The following TNKS variants were observed in gnomAD, a reference collection of about 807,000 sequenced individuals.
TNKS encodes poly [ADP-ribose] polymerase tankyrase-1.
A neutral mutation model predicts 135.8 loss-of-function variants in TNKS; 72 were observed. The observed-to-expected ratio is 0.53, with a 90% confidence interval of 0.44 to 0.64. The LOEUF (loss-of-function observed/expected upper bound fraction) is 0.64, where lower values mean the gene tolerates loss of function less well. Among genes scored for constraint, TNKS ranks in the 30% least tolerant of loss-of-function variants. The pLI is 0.00. For missense variants in TNKS, 1,769 were observed against 1,674.0 expected, an observed-to-expected ratio of 1.06 and a Z score of -0.99; for synonymous variants, 849 against 649.3, an observed-to-expected ratio of 1.31 and a Z score of -4.68.
At chr8:9,584,062 G>A (rs1216716671) in intron 2 of TNKS, among the ~76,000 whole-genome samples, 2 of 151,476 alleles carry the variant, frequency 1.3e-5, no homozygotes, top group East Asian at 4.0e-4. Context: ...TACTGGGGAG[G>A]CTGAGGCAGG....
chr8:9,764,881 T>C (rs58194572), intron 23 of TNKS, 91 bp downstream of exon 23: 2 of 1,003,014 alleles, frequency 2.0e-6, no homozygotes, highest in African/African-American at 3.4e-5. Flanking sequence ...TTAAGTCATA[T>C]TTTCAAACTG....
At chr8:9,776,441 A>G (rs1236367149) in intron 26 of TNKS, among the ~76,000 whole-genome samples, 4 of 152,232 alleles carry the variant, frequency 2.6e-5, no homozygotes, top group Non-Finnish European at 4.4e-5. Flanking sequence ...CGAAGTAGAA[A>G]TAACATTCAG....
chr8:9,585,855 A>G (rs1036836178), intron 2 of TNKS, among the ~76,000 whole-genome samples: 1 of 152,152 alleles, frequency 6.6e-6, no homozygotes, highest in Non-Finnish European at 1.5e-5. Context: ...AAATCTAACA[A>G]TTAGGACTTA....
chr8:9,749,515 C>T (rs977211643), intron 18 of TNKS, among the ~76,000 whole-genome samples: 1 of 151,028 alleles, frequency 6.6e-6, no homozygotes, highest in Middle Eastern at 3.4e-3. Context: ...GGCTATGTCA[C>T]CCAAGCCAGA....
rs1245370227 is a variant in TNKS at position 9,706,851 on chromosome 8, C to A, written c.1310C>A (p.Thr437Asn). Reference sequence around the variant, plus strand: ...AATGCCATGGATCTCTGGCAGTTTACTCCACTGCACGAGGCTGCTTCCAAG... The same window carrying A: ...AATGCCATGGATCTCTGGCAGTTTAATCCACTGCACGAGGCTGCTTCCAAG... ...CVNAMDLWQF[T>N]PLHEAASKNR... The change falls in exon 8 of 27, where the codon ACT (threonine) becomes AAT (asparagine). Residue 437 changes from threonine to asparagine, a missense_variant. Around this residue, in one of 5 missense-constraint regions of TNKS, gnomAD observed 523 missense variants for 541.0 expected, o/e 0.97. Transcript: ENST00000310430. 1 of 1,613,572 alleles carries A rather than the reference C, an allele frequency of 6.2e-7. No individual in the cohort carries two copies. The highest frequency in any genetic ancestry group is 1.1e-5 in the South Asian group (1 of 90,962).
intron 3 of TNKS, among the ~76,000 whole-genome samples, chr8:9,625,581 A>G (rs964535654): frequency 1.3e-5 from 2 of 151,572 alleles, no homozygotes; most frequent in Admixed American, 6.6e-5. Context: ...GATTTGTTCC[A>G]TTTTCATGTT....
At position 9,580,374 on chromosome 8, in the gene TNKS, G is replaced by A; in HGVS notation, c.889G>A (p.Val297Met). 2 of 1,613,688 alleles carry A rather than the reference G, an allele frequency of 1.2e-6. No homozygotes were observed. The highest frequency in any genetic ancestry group is 2.2e-5 in the East Asian group (1 of 44,886). The change falls in exon 2 of 27, where the codon GTG becomes ATG. Residue 297 changes from valine (V) to methionine (M), a missense_variant. Val to Met is a conservative substitution (Grantham distance 21). Transcript: ENST00000310430. ...HEAAIKGKID[V>M]CIVLLQHGAD... ...AGCTGCTATTAAAGGGAAGATCGATGTGTGCATTGGTAAGTATCATTTGAT... is the reference window on the plus strand; with the variant it reads ...AGCTGCTATTAAAGGGAAGATCGATATGTGCATTGGTAAGTATCATTTGAT...
Position 9,770,086 on chromosome 8 carries a change from G to T in TNKS, c.3741-20G>T. ...GATTTAAAGCTTCCTTCAAAGCATTGTTTTTTTCTTTTTCCTTAGACAAAT... is the reference window on the plus strand; with the variant it reads ...GATTTAAAGCTTCCTTCAAAGCATTTTTTTTTTCTTTTTCCTTAGACAAAT... On this transcript the variant is annotated intron_variant, in intron 25 of 26. Coordinates refer to ENST00000310430, the MANE Select transcript of TNKS (RefSeq NM_003747.3). 1 of 1,580,430 alleles carries T rather than the reference G, an allele frequency of 6.3e-7. No homozygotes were observed. Among genetic ancestry groups the T allele is most frequent in the Non-Finnish European group, 8.6e-7 (1 of 1,160,526 alleles).
chr8:9,611,811 T>A (rs537933906), intron 2 of TNKS, among the ~76,000 whole-genome samples: 1 of 152,316 alleles, frequency 6.6e-6, no homozygotes, highest in South Asian at 2.1e-4. Context: ...ATATTGTAGT[T>A]TGGGACATTT....
chr8:9,772,056 AGGGATGGAGG>A (rs1437545725), intron 26 of TNKS, among the ~76,000 whole-genome samples: 2 of 106,722 alleles, frequency 1.9e-5, no homozygotes, highest in African/African-American at 7.5e-5. Flanking sequence ...AGAGGTAGGG[AGGGATGGAGG>A]GGGAGAGAGG....
intron 17 of TNKS, among the ~76,000 whole-genome samples, chr8:9,740,282 C>A (rs1805870363): frequency 6.6e-6 from 1 of 152,080 alleles, no homozygotes; most frequent in Non-Finnish European, 1.5e-5. Context: ...CTGTAAAAAC[C>A]CACAGATGCC....
chr8:9,647,992 T>A (rs990144051), intron 3 of TNKS, among the ~76,000 whole-genome samples: 1 of 152,146 alleles, frequency 6.6e-6, no homozygotes, highest in East Asian at 1.9e-4. Flanking sequence ...AAGCATTTGT[T>A]TATCTAAACA....
At chr8:9,749,741 C>T (rs1157373172) in intron 18 of TNKS, among the ~76,000 whole-genome samples, 1 of 152,108 alleles carries the variant, frequency 6.6e-6, no homozygotes, top group Non-Finnish European at 1.5e-5. Context: ...CCTCAGCCTC[C>T]CAAAGTGCTG....
chr8:9,712,926 A>T (rs1388699109), intron 11 of TNKS, among the ~76,000 whole-genome samples: 1 of 152,192 alleles, frequency 6.6e-6, no homozygotes, highest in Non-Finnish European at 1.5e-5. Context: ...TAAATTTTTA[A>T]TTATTTCATC....
In TNKS at chr8:9,680,585, A is replaced by G. The variant is rs1369852649; in HGVS notation, c.1032-140A>G. On this transcript the variant is annotated intron_variant, in intron 4 of 26. Coordinates refer to ENST00000310430, the MANE Select transcript of TNKS (RefSeq NM_003747.3). ...TAGAAATATATTAATTGAATTGAAT[A>G]TTGCAAAAGAGATTTATTGTGATCC... 5.2e-6 allele frequency: 3 copies of G among 579,104 alleles called. No individual in the cohort carries two copies. In the African/African-American group the frequency reaches 5.6e-5, roughly 11 times the overall value. The allele number at this position is 579,104 out of a possible 1,614,324, so 35.9% of individuals were successfully genotyped here. A position where few individuals can be genotyped will look rare whatever the true frequency, so the allele number is the denominator to read the frequency against.
At chr8:9,587,342 G>C (rs906566479) in intron 2 of TNKS, among the ~76,000 whole-genome samples, 1 of 151,890 alleles carries the variant, frequency 6.6e-6, no homozygotes, top group African/African-American at 2.4e-5. Context: ...AAAAGGCAAG[G>C]AAGTAGGTTT....
chr8:9,630,062 A>G (rs1315210698), intron 3 of TNKS, among the ~76,000 whole-genome samples: 1 of 152,192 alleles, frequency 6.6e-6, no homozygotes, highest in African/African-American at 2.4e-5. Flanking sequence ...CAAATGGGCT[A>G]GTATCTAGTC....
At chr8:9,717,884 T>C (rs1180861196) in intron 11 of TNKS, among the ~76,000 whole-genome samples, 12 of 152,100 alleles carry the variant, frequency 7.9e-5, no homozygotes, top group Admixed American at 7.9e-4. Flanking sequence ...AGAAATCTCA[T>C]GAAGAAAATA....
chr8:9,715,297 A>G (rs1490838995), intron 11 of TNKS, among the ~76,000 whole-genome samples: 1 of 152,010 alleles, frequency 6.6e-6, no homozygotes, highest in African/African-American at 2.4e-5. Context: ...TTAATAAAGG[A>G]ACTGTATAGA....
Sources: allele counts gnomAD v4.1 joint callset (sites outside exome capture counted in the v4.1 genomes callset), GRCh38; gene constraint gnomAD v4.1.1; regional missense constraint gnomAD v4.1.1; transcripts MANE v1.5; gene names NCBI Gene and HGNC (gene_info 2026-07-23, HGNC 2026-07-21).